ENTPD7: variants seen among roughly 807,000 people sequenced by gnomAD.
ENTPD7 encodes NTPDase 7.
In ENTPD7, 53 loss-of-function variants were observed where a neutral mutation model predicts 77.9. That is an observed-to-expected ratio of 0.68 (90% CI 0.55 to 0.85). The LOEUF is 0.85. Ranked by LOEUF, ENTPD7 falls within the 40% of genes least tolerant of loss-of-function variation. ENTPD7 has a pLI of 0.00. For synonymous variants in ENTPD7, 248 were observed against 274.9 expected (o/e 0.90, Z 0.97); for missense variants, 636 against 743.7 (o/e 0.86, Z 1.68).
rs948852248 is a variant in ENTPD7 at position 99,706,512 on chromosome 10, T to A, written c.*1829T>A. On this transcript the variant is annotated 3_prime_UTR_variant, in exon 13 of 13. Transcript: ENST00000370489. Reference sequence around the variant, plus strand: ...CACCACACTCAGCTAATTTTTTATTTTATTTTTTTAGAGATGGAGTCTGTG... The same window carrying A: ...CACCACACTCAGCTAATTTTTTATTATATTTTTTTAGAGATGGAGTCTGTG... Among the ~76,000 whole-genome samples the A allele has an allele frequency of 4.5e-5, 2 of 43,978 alleles. No homozygotes were observed. Among genetic ancestry groups the A allele is most frequent in the Admixed American group, 5.6e-4 (2 of 3,556 alleles). 28.9% of individuals were successfully genotyped at this position (43,978 alleles called of 152,430 possible).
chr10:99,693,884 T>A (rs2035923673), intron 8 of ENTPD7, among the ~76,000 whole-genome samples: 1 of 151,506 alleles, frequency 6.6e-6, no homozygotes, highest in South Asian at 2.1e-4. Context: ...CACCACTGCA[T>A]TCCAGCCTGG....
intron 3 of ENTPD7, among the ~76,000 whole-genome samples, chr10:99,674,306 A>T (rs1367755469): frequency 6.6e-6 from 1 of 152,170 alleles, no homozygotes; most frequent in Non-Finnish European, 1.5e-5. Context: ...CTAAAATGTT[A>T]TTTTGCCTTT....
intron 12 of ENTPD7, among the ~76,000 whole-genome samples, chr10:99,703,693 A>G (rs1001120994): frequency 1.3e-4 from 20 of 152,036 alleles, no homozygotes; most frequent in African/African-American, 4.6e-4. Flanking sequence ...TATATCCTAG[A>G]TCCTAAGGAA....
chr10:99,659,781 G>T lies in ENTPD7; in HGVS notation c.-95-81G>T. 1.3e-6 allele frequency: 1 copy of T among 784,692 alleles called. No individual in the cohort carries two copies. The allele number at this position is 784,692 out of a possible 1,614,324, so 48.6% of individuals were successfully genotyped here. A position where few individuals can be genotyped will look rare whatever the true frequency, so the allele number is the denominator to read the frequency against. ...AGCAGACGGAGCGGGAGCCTGGGGA[G>T]GAGGTGGGAGCCGTGGAATTCCCGT... On this transcript the variant is annotated intron_variant, in intron 1 of 12. Coordinates refer to ENST00000370489, the MANE Select transcript of ENTPD7 (RefSeq NM_020354.5). The surrounding 1 kb of genome is among the most constrained non-coding windows in gnomAD (Gnocchi z 4.1).
At chr10:99,696,712 C>CT (rs1348866632) in intron 9 of ENTPD7, among the ~76,000 whole-genome samples, 1 of 152,106 alleles carries the variant, frequency 6.6e-6, no homozygotes, top group Non-Finnish European at 1.5e-5. Context: ...TTTCTTGTTT[C>CT]TTTTTTGTTT....
intron 3 of ENTPD7, among the ~76,000 whole-genome samples, chr10:99,665,344 C>A (rs908701092): frequency 3.9e-5 from 6 of 152,070 alleles, no homozygotes; most frequent in African/African-American, 1.4e-4. Flanking sequence ...GACAGAAAGG[C>A]TTTCCATGAC....
intron 8 of ENTPD7, among the ~76,000 whole-genome samples, chr10:99,695,470 C>T (rs963194485): frequency 1.3e-5 from 2 of 151,022 alleles, no homozygotes; most frequent in Admixed American, 1.3e-4. Flanking sequence ...TGCAGTGAGC[C>T]GAGAGCATGC....
chr10:99,696,104 A>C lies in ENTPD7; in HGVS notation c.992A>C (p.Glu331Ala). 1 of 1,613,318 alleles carries C rather than the reference A, an allele frequency of 6.2e-7. No homozygotes were observed. Among genetic ancestry groups the C allele is most frequent in the Non-Finnish European group, 8.5e-7 (1 of 1,179,842 alleles). Residue 331 changes from glutamate to alanine, a missense_variant, in exon 9 of 13, where the codon GAA becomes GCA. Glu to Ala is a moderately radical substitution (Grantham distance 107). This residue lies in a region of ENTPD7 where 486 missense variants were observed against 556.5 expected (regional missense o/e 0.87). Coordinates refer to ENST00000370489, the MANE Select transcript of ENTPD7 (RefSeq NM_020354.5). ...CGCTACGAAGACCTTGTTCTGAATGAAACTCTTAACAAAAACAGGTACATT... is the reference window on the plus strand; with the variant it reads ...CGCTACGAAGACCTTGTTCTGAATGCAACTCTTAACAAAAACAGGTACATT... ...RQRYEDLVLN[E>A]TLNKNRLLGQ...
At chr10:99,692,806 CATGGGCCTCAGTTTCA>C (rs2035904817) in intron 8 of ENTPD7, among the ~76,000 whole-genome samples, 1 of 152,142 alleles carries the variant, frequency 6.6e-6, no homozygotes, top group Admixed American at 6.5e-5. Flanking sequence ...AAGGCAGTCA[CATGGGCCTCAGTTTCA>C]TTTATAAAAT....
intron 6 of ENTPD7, among the ~76,000 whole-genome samples, chr10:99,687,641 C>T (rs2035832417): frequency 6.6e-6 from 1 of 152,148 alleles, no homozygotes; most frequent in Non-Finnish European, 1.5e-5. Context: ...TAATCTGGAA[C>T]CTGGGCAGTG....
chr10:99,679,139 G>C lies in ENTPD7; in HGVS notation c.192-122G>C, dbSNP rs567167104. On this transcript the variant is annotated intron_variant, in intron 3 of 12. Transcript: ENST00000370489. ...TTGCTTCACTCATTGGTTAGGACTG[G>C]TAGTCCCATGTGCTTAGCACATGTA... 5 of 839,724 alleles carry C rather than the reference G, an allele frequency of 6.0e-6. No homozygotes were observed. The African/African-American group carries it at 6.8e-5, about 11-fold the overall frequency. The allele number at this position is 839,724 out of a possible 1,614,324, so 52.0% of individuals were successfully genotyped here. A position where few individuals can be genotyped will look rare whatever the true frequency, so the allele number is the denominator to read the frequency against.
intron 3 of ENTPD7, among the ~76,000 whole-genome samples, chr10:99,671,623 A>G (rs2035620063): frequency 6.6e-6 from 1 of 152,226 alleles, no homozygotes; most frequent in Non-Finnish European, 1.5e-5. Context: ...AGGAACTTCT[A>G]GCATGTATAC....
chr10:99,692,287 C>G (rs180810978), intron 8 of ENTPD7, among the ~76,000 whole-genome samples: 1 of 152,326 alleles, frequency 6.6e-6, no homozygotes, highest in Admixed American at 6.5e-5. Flanking sequence ...TATGATATCT[C>G]TTGCCTATAC....
chr10:99,709,560 TA>T lies in ENTPD7; in HGVS notation c.*4878del. ...GTCAATAATATTTTGATTAATACTA[TA>T]GAATAGCAACAGTGAATATACCTCA... On this transcript the variant is annotated 3_prime_UTR_variant, in exon 13 of 13. Transcript: ENST00000370489. 1.0e-6 allele frequency: 1 copy of T among 983,066 alleles called. No homozygotes were observed. The highest frequency in any genetic ancestry group is 1.2e-6 in the Non-Finnish European group (1 of 827,772). 60.9% of individuals were successfully genotyped at this position (983,066 alleles called of 1,614,324 possible). A position where few individuals can be genotyped will look rare whatever the true frequency, so the allele number is the denominator to read the frequency against.
chr10:99,670,777 G>C (rs1289473950), intron 3 of ENTPD7, among the ~76,000 whole-genome samples: 1 of 152,180 alleles, frequency 6.6e-6, no homozygotes, highest in African/African-American at 2.4e-5. Context: ...TACTTTGGGA[G>C]GCTGAAGTGG....
At chr10:99,685,147 C>T (rs914143109) in intron 5 of ENTPD7, among the ~76,000 whole-genome samples, 2 of 152,112 alleles carry the variant, frequency 1.3e-5, no homozygotes, top group African/African-American at 2.4e-5. Context: ...ATCCCAGCTA[C>T]TTGGGAGGCT....
chr10:99,708,689 G>C lies in ENTPD7; in HGVS notation c.*4006G>C. ...TGATGATAAGGTTGGTGGGAACAGA[G>C]TTTCTAATAGTAATCATAATAAATT... is the stretch of plus-strand genomic sequence containing the variant. On this transcript the variant is annotated 3_prime_UTR_variant, in exon 13 of 13. Coordinates refer to ENST00000370489, the MANE Select transcript of ENTPD7 (RefSeq NM_020354.5). The C allele has an allele frequency of 5.0e-6, 2 of 397,364 alleles. No individual in the cohort carries two copies. The highest frequency in any genetic ancestry group is 6.8e-6 in the Non-Finnish European group (2 of 292,572). The allele number at this position is 397,364 out of a possible 1,614,324, so 24.6% of individuals were successfully genotyped here. A position where few individuals can be genotyped will look rare whatever the true frequency, so the allele number is the denominator to read the frequency against.
At chr10:99,693,393 G>A (rs2035915268) in intron 8 of ENTPD7, among the ~76,000 whole-genome samples, 1 of 152,148 alleles carries the variant, frequency 6.6e-6, no homozygotes, top group South Asian at 2.1e-4. Context: ...TGCTGGGGTT[G>A]GAAATGTGGG....
intron 7 of ENTPD7, 105 bp downstream of exon 7, chr10:99,688,855 TCAA>T: frequency 1.8e-6 from 2 of 1,104,118 alleles, no homozygotes; most frequent in Non-Finnish European, 2.7e-6. Flanking sequence ...TTTTCTTTTT[TCAA>T]ACATAAGATG....
Sources: allele counts gnomAD v4.1 joint callset (sites outside exome capture counted in the v4.1 genomes callset), GRCh38; gene constraint gnomAD v4.1.1; regional missense constraint gnomAD v4.1.1; non-coding constraint Gnocchi (gnomAD v3.1); transcripts MANE v1.5; gene names NCBI Gene and HGNC (gene_info 2026-07-23, HGNC 2026-07-21).